ADAMTS3: variants seen among roughly 807,000 people sequenced by gnomAD.
The protein encoded by ADAMTS3 is A disintegrin and metalloproteinase with thrombospondin motifs 3.
In ADAMTS3, 73 loss-of-function variants were observed where a neutral mutation model predicts 129.0. The ratio of observed to expected loss-of-function variants is 0.57; its 90% CI spans 0.47 to 0.69. The LOEUF is 0.69. Among genes scored for constraint, ADAMTS3 ranks in the 30% least tolerant of loss-of-function variants. ADAMTS3 has a pLI of 0.00. For missense variants in ADAMTS3, 1,457 were observed against 1,514.5 expected (o/e 0.96, Z 0.63); for synonymous variants, 477 against 510.8 (o/e 0.93, Z 0.89).
intron 3 of ADAMTS3, among the ~76,000 whole-genome samples, chr4:72,521,429 T>C (rs1010204398): frequency 1.2e-4 from 18 of 152,342 alleles, no homozygotes; most frequent in Admixed American, 1.2e-3. Context: ...CAGGGATCTT[T>C]TGAAATCAGT....
intron 3 of ADAMTS3, among the ~76,000 whole-genome samples, chr4:72,485,457 G>T (rs572039852): frequency 3.3e-5 from 5 of 151,856 alleles, no homozygotes; most frequent in African/African-American, 1.2e-4. Flanking sequence ...TTTTAGCTAC[G>T]TTTCCTGCAT....
At chr4:72,564,014 T>G (rs554005889) in intron 2 of ADAMTS3, among the ~76,000 whole-genome samples, 1 of 152,288 alleles carries the variant, frequency 6.6e-6, no homozygotes, top group African/African-American at 2.4e-5. Flanking sequence ...TATCTCTTAG[T>G]AAACTAGATA....
intron 17 of ADAMTS3, 76 bp from the exon 18 acceptor site, chr4:72,298,518 G>GA: frequency 1.7e-6 from 2 of 1,152,462 alleles, no homozygotes; most frequent in Non-Finnish European, 2.4e-6. Context: ...AAATATTTCA[G>GA]AATATTGCTC....
At chr4:72,510,819 C>CAAAAAAA (rs869030257) in intron 3 of ADAMTS3, among the ~76,000 whole-genome samples, 3 of 63,668 alleles carry the variant, frequency 4.7e-5, no homozygotes, top group African/African-American at 5.8e-5. Flanking sequence ...ATCCTTAAGC[C>CAAAAAAA]AAAAAAAAAA....
intron 2 of ADAMTS3, among the ~76,000 whole-genome samples, chr4:72,552,719 C>T (rs1477614927): frequency 1.3e-5 from 2 of 152,146 alleles, no homozygotes; most frequent in African/African-American, 4.8e-5. Context: ...GCTGATTCCT[C>T]TGCCAAAGGA....
chr4:72,333,167 G>A (rs76256575), intron 5 of ADAMTS3, among the ~76,000 whole-genome samples: 5,644 of 152,172 alleles, frequency 0.037, 347 homozygotes, highest in African/African-American at 0.13. Context: ...AGATTCAGGC[G>A]CAAAGAGCTA....
chr4:72,457,026 G>A (rs1578697892), intron 3 of ADAMTS3, among the ~76,000 whole-genome samples: 1 of 151,650 alleles, frequency 6.6e-6, no homozygotes, highest in South Asian at 2.1e-4. Flanking sequence ...GATCTTTGAG[G>A]TGTAGGGATG....
intron 3 of ADAMTS3, among the ~76,000 whole-genome samples, chr4:72,520,250 TG>T: frequency 6.6e-6 from 1 of 151,420 alleles, no homozygotes; most frequent in East Asian, 1.9e-4. Flanking sequence ...CTGCCCCTAC[TG>T]GGGGGTGCCT....
chr4:72,498,536 C>T (rs2110021353), intron 3 of ADAMTS3, among the ~76,000 whole-genome samples: 1 of 152,110 alleles, frequency 6.6e-6, no homozygotes, highest in East Asian at 1.9e-4. Flanking sequence ...CCTACTAAAT[C>T]ACATTCATCA....
At chr4:72,516,365 C>A (rs1404852348) in intron 3 of ADAMTS3, among the ~76,000 whole-genome samples, 3 of 152,210 alleles carry the variant, frequency 2.0e-5, no homozygotes, top group East Asian at 3.9e-4. Context: ...TTTTCCAATT[C>A]TGTGAAGAAA....
At chr4:72,386,962 G>A (rs1286261025) in intron 4 of ADAMTS3, among the ~76,000 whole-genome samples, 2 of 152,082 alleles carry the variant, frequency 1.3e-5, no homozygotes, top group African/African-American at 4.8e-5. Context: ...TGAAACATTA[G>A]AGTTAATTTA....
At chr4:72,533,673 A>ACATGTATATATACATATATATG (rs1721109905) in intron 3 of ADAMTS3, among the ~76,000 whole-genome samples, 1 of 151,372 alleles carries the variant, frequency 6.6e-6, no homozygotes, top group Non-Finnish European at 1.5e-5. Context: ...GTATATGCAC[A>ACATGTATATATACATATATATG]TATATGCACA....
chr4:72,471,070 T>G (rs1421740525), intron 3 of ADAMTS3, among the ~76,000 whole-genome samples: 3 of 152,110 alleles, frequency 2.0e-5, no homozygotes, highest in Non-Finnish European at 4.4e-5. Context: ...AAATAATGAC[T>G]AAGAGATAAA....
intron 3 of ADAMTS3, among the ~76,000 whole-genome samples, chr4:72,540,692 T>TGCTC (rs1721299010): frequency 1.3e-5 from 2 of 152,206 alleles, no homozygotes; most frequent in Non-Finnish European, 2.9e-5. Context: ...GCATCCCAGC[T>TGCTC]GCTCCAGCCA....
At chr4:72,371,110 G>A (rs1288904852) in intron 4 of ADAMTS3, among the ~76,000 whole-genome samples, 1 of 151,998 alleles carries the variant, frequency 6.6e-6, no homozygotes, top group Admixed American at 6.6e-5. Context: ...GGAGCTAGGG[G>A]AGACATCAGC....
chr4:72,452,832 T>C (rs1452698902), intron 3 of ADAMTS3, among the ~76,000 whole-genome samples: 1 of 151,770 alleles, frequency 6.6e-6, no homozygotes, highest in Non-Finnish European at 1.5e-5. Context: ...TCTAACTATT[T>C]ACTTGTGTCA....
At chr4:72,390,836 C>T (rs1400777902) in intron 4 of ADAMTS3, among the ~76,000 whole-genome samples, 1 of 151,364 alleles carries the variant, frequency 6.6e-6, no homozygotes, top group Non-Finnish European at 1.5e-5. Flanking sequence ...CTGAAAACTT[C>T]CATGCCTTTC....
Position 72,391,899 on chromosome 4 carries a change from T to C in ADAMTS3, c.661+22916A>G, listed in dbSNP as rs932370543. Among the ~76,000 whole-genome samples the C allele has an allele frequency of 5.3e-4, 80 of 152,240 alleles. 2 individuals carry two copies. The highest frequency in any genetic ancestry group is 1.4e-4 in the African/African-American group (6 of 41,464). On this transcript the variant is annotated intron_variant, in intron 4 of 21. Transcript: ENST00000286657. ...ATTAAGAAGATAACCTACAATCTGA[T>C]TTTAAGATCCTGAAAACGCGTAGAA...
chr4:72,477,100 C>T (rs1164788711), intron 3 of ADAMTS3, among the ~76,000 whole-genome samples: 1 of 152,068 alleles, frequency 6.6e-6, no homozygotes, highest in Non-Finnish European at 1.5e-5. Flanking sequence ...AGACTCAAGA[C>T]TTTCACCCTG....
Sources: allele counts gnomAD v4.1 joint callset (sites outside exome capture counted in the v4.1 genomes callset), GRCh38; gene constraint gnomAD v4.1.1; transcripts MANE v1.5; gene names NCBI Gene and HGNC (gene_info 2026-07-23, HGNC 2026-07-21).